Variants in SLC14A2 observed in about 807,000 individuals in gnomAD.
SLC14A2 encodes the protein solute carrier family 14 member 2.
A neutral mutation model predicts 104.6 loss-of-function variants in SLC14A2; 91 were observed. The ratio of observed to expected loss-of-function variants is 0.87; its 90% CI spans 0.73 to 1.04. The LOEUF (loss-of-function observed/expected upper bound fraction) is 1.04, where lower values mean the gene tolerates loss of function less well. SLC14A2 is among the 50% of genes least tolerant of loss of function. The probability of loss-of-function intolerance (pLI) is 0.00; values close to 1 mark genes in which losing one functional copy is unlikely to be tolerated. For missense variants in SLC14A2, 1,189 were observed against 1,156.0 expected, an observed-to-expected ratio of 1.03 and a Z score of -0.41; for synonymous variants, 476 against 466.4, an observed-to-expected ratio of 1.02 and a Z score of -0.27.
At chr18:45,495,341 C>T (rs1288877380) in intron 2 of SLC14A2, among the ~76,000 whole-genome samples, 1 of 152,154 alleles carries the variant, frequency 6.6e-6, no homozygotes, top group African/African-American at 2.4e-5. Flanking sequence ...AAACAAAATA[C>T]AATGGCCGGG....
At chr18:45,552,380 C>G (rs7226658) in intron 2 of SLC14A2, among the ~76,000 whole-genome samples, 24,053 of 152,006 alleles carry the variant, frequency 0.16, 2,429 homozygotes, top group African/African-American at 0.27. Flanking sequence ...TTCTCTCCCC[C>G]ACCCCCTGCA....
intron 1 of SLC14A2, among the ~76,000 whole-genome samples, chr18:45,330,611 T>C (rs1252810699): frequency 1.3e-5 from 2 of 152,196 alleles, no homozygotes; most frequent in African/African-American, 4.8e-5. Flanking sequence ...ACTTCATGAG[T>C]TAGCACACAT....
At chr18:45,188,075 TAA>T in the SLC14A2 span, among the ~76,000 whole-genome samples, 1 of 152,136 alleles carries the variant, frequency 6.6e-6, no homozygotes, top group Non-Finnish European at 1.5e-5. Context: ...GGGTGTAATT[TAA>T]AGAGTGTGAG....
In SLC14A2 at chr18:45,644,061, G is replaced by T. The variant is rs146487074; in HGVS notation, c.1252G>T (p.Ala418Ser). 5 of 1,614,190 alleles carry T rather than the reference G, an allele frequency of 3.1e-6. No homozygotes were observed. The African/African-American group carries it at 6.7e-5, about 22-fold the overall frequency. ...CCTGCTCCTGACGACAAACAACCCA[G>T]CCATCTTCAGACTCCCACTCAGCAA... is the stretch of plus-strand genomic sequence containing the variant. ...IFLLLTTNNP[A>S]IFRLPLSKVT... is the part of the protein sequence containing the mutation. The change falls in exon 10 of 20, where the codon GCC (alanine) becomes TCC (serine). Residue 418 changes from alanine (A) to serine (S), a missense_variant. Physicochemically the swap from Ala to Ser is moderately conservative, Grantham distance 99. Coordinates refer to ENST00000255226, the MANE Select transcript of SLC14A2 (RefSeq NM_007163.4).
intron 1 of SLC14A2, among the ~76,000 whole-genome samples, chr18:45,338,724 CAG>C (rs1458698716): frequency 3.4e-5 from 4 of 119,324 alleles, no homozygotes; most frequent in Admixed American, 1.8e-4. Context: ...TCTTTATTTA[CAG>C]AGTTTATTTT....
chr18:45,669,345 G>A lies in SLC14A2; in HGVS notation c.2076G>A (p.Lys692=). 1.2e-6 allele frequency: 2 copies of A among 1,614,004 alleles called. No individual in the cohort carries two copies. Among genetic ancestry groups the A allele is most frequent in the Non-Finnish European group, 1.7e-6 (2 of 1,179,926 alleles). The stretch of plus-strand genomic sequence containing the variant: ...GTGCCCTGGGTACCATCTTCAGCAA[G>A]TGGGACCTCCCAGTCTTCACACTGC... ...LSSALGTIFS[K]WDLPVFTLPF... Residue 692 remains lysine, a synonymous_variant, in exon 16 of 20, where the codon AAG becomes AAA. Transcript: ENST00000255226.
At chr18:45,653,271 C>G (rs2045771540) in intron 10 of SLC14A2, among the ~76,000 whole-genome samples, 1 of 152,100 alleles carries the variant, frequency 6.6e-6, no homozygotes, top group African/African-American at 2.4e-5. Flanking sequence ...TCCTCCCACC[C>G]CCTTTGTTTG....
chr18:45,256,085 C>T (rs2084475213), intron 1 of SLC14A2, among the ~76,000 whole-genome samples: 2 of 152,154 alleles, frequency 1.3e-5, no homozygotes, highest in African/African-American at 2.4e-5. Flanking sequence ...TCTGGAGGTG[C>T]CGGAACAAAT....
chr18:45,259,875 C>A (rs142439905), intron 1 of SLC14A2, among the ~76,000 whole-genome samples: 40 of 152,154 alleles, frequency 2.6e-4, no homozygotes, highest in African/African-American at 9.6e-4. Context: ...GTCCCTCAGA[C>A]AAGAGAAAAA....
chr18:45,346,725 C>T (rs1338855164), intron 1 of SLC14A2, among the ~76,000 whole-genome samples: 3 of 151,940 alleles, frequency 2.0e-5, no homozygotes, highest in African/African-American at 4.8e-5. Context: ...GTCACGAGTT[C>T]GAGACCTGGC....
At chr18:45,414,821 G>T (rs1482612551) in intron 1 of SLC14A2, among the ~76,000 whole-genome samples, 1 of 129,842 alleles carries the variant, frequency 7.7e-6, no homozygotes, top group East Asian at 2.3e-4. Context: ...ATGCCCTCAA[G>T]GATCTCATAG....
chr18:45,219,963 C>T (rs1371423771), intron 1 of SLC14A2, among the ~76,000 whole-genome samples: 3 of 152,182 alleles, frequency 2.0e-5, no homozygotes, highest in Non-Finnish European at 4.4e-5. Flanking sequence ...ATGGCCGATA[C>T]TTGCAGAGGG....
chr18:45,541,057 A>G (rs748659689), intron 2 of SLC14A2, among the ~76,000 whole-genome samples: 2 of 152,306 alleles, frequency 1.3e-5, no homozygotes, highest in Admixed American at 6.5e-5. Context: ...CTTAAGCACA[A>G]GAGCCTCCTC....
At chr18:45,361,797 A>G (rs910441760) in intron 1 of SLC14A2, among the ~76,000 whole-genome samples, 4 of 130,502 alleles carry the variant, frequency 3.1e-5, no homozygotes, top group South Asian at 2.6e-4. Flanking sequence ...AAAGTCTTGC[A>G]GTAATTTTTT....
chr18:45,235,867 G>A (rs1426054054), intron 1 of SLC14A2, among the ~76,000 whole-genome samples: 29 of 89,606 alleles, frequency 3.2e-4, no homozygotes, highest in African/African-American at 1.3e-3. Context: ...ATATATGTGT[G>A]TATATATGTA....
At chr18:45,552,024 C>A (rs1211211020) in intron 2 of SLC14A2, among the ~76,000 whole-genome samples, 3 of 152,028 alleles carry the variant, frequency 2.0e-5, no homozygotes, top group Non-Finnish European at 4.4e-5. Context: ...CTTAACAAAC[C>A]CTTCTATTTT....
At chr18:45,544,786 C>CTTTTTTTT (rs71373715) in intron 2 of SLC14A2, among the ~76,000 whole-genome samples, 28 of 88,874 alleles carry the variant, frequency 3.2e-4, no homozygotes, top group Non-Finnish European at 3.9e-4. Flanking sequence ...TCAATAATGT[C>CTTTTTTTT]TTTTTTTTTT....
intron 1 of SLC14A2, among the ~76,000 whole-genome samples, chr18:45,377,548 C>T (rs1049577623): frequency 3.3e-5 from 5 of 152,106 alleles, no homozygotes; most frequent in Non-Finnish European, 7.4e-5. Flanking sequence ...CCCCATTTCA[C>T]TCATTTCCCC....
intron 10 of SLC14A2, among the ~76,000 whole-genome samples, chr18:45,661,555 G>T (rs545788291): frequency 1.3e-5 from 2 of 152,214 alleles, no homozygotes; most frequent in Non-Finnish European, 2.9e-5. Context: ...TGTATGATTT[G>T]GGTGAGTTAA....
Sources: allele counts gnomAD v4.1 joint callset (sites outside exome capture counted in the v4.1 genomes callset), GRCh38; gene constraint gnomAD v4.1.1; transcripts MANE v1.5; gene names NCBI Gene and HGNC (gene_info 2026-07-23, HGNC 2026-07-21).